The following ALDH2 variants were observed in gnomAD, a reference collection of about 807,000 sequenced individuals.
ALDH2 encodes the protein aldehyde dehydrogenase, mitochondrial.
A neutral mutation model predicts 59.6 loss-of-function variants in ALDH2; 44 were observed. That is an observed-to-expected ratio of 0.74 (90% CI 0.58 to 0.95). The LOEUF is 0.95. Among genes scored for constraint, ALDH2 ranks in the 40% least tolerant of loss-of-function variants. ALDH2 has a pLI of 0.00. For synonymous variants in ALDH2, 291 were observed against 284.0 expected, an observed-to-expected ratio of 1.02 and a Z score of -0.25; for missense variants, 570 against 696.3, an observed-to-expected ratio of 0.82 and a Z score of 2.04.
At chr12:111,788,231 G>A (rs74912896) in intron 4 of ALDH2, among the ~76,000 whole-genome samples, 1 of 151,678 alleles carries the variant, frequency 6.6e-6, no homozygotes, top group East Asian at 1.9e-4. Flanking sequence ...AAAAAAAAAA[G>A]AAAACAGTCG....
At chr12:111,776,578 T>C (rs1215316406) in intron 1 of ALDH2, among the ~76,000 whole-genome samples, 1 of 151,906 alleles carries the variant, frequency 6.6e-6, no homozygotes, top group Non-Finnish European at 1.5e-5. Flanking sequence ...CTGGCCAACA[T>C]GGTGAAAGCC....
chr12:111,783,994 A>T (rs2068292723), intron 3 of ALDH2, among the ~76,000 whole-genome samples: 1 of 152,146 alleles, frequency 6.6e-6, no homozygotes, highest in African/African-American at 2.4e-5. Context: ...CCCAGCCACA[A>T]TTGATTCTGC....
intron 3 of ALDH2, among the ~76,000 whole-genome samples, chr12:111,785,016 G>T (rs1397808645): frequency 6.6e-6 from 1 of 152,210 alleles, no homozygotes; most frequent in Non-Finnish European, 1.5e-5. Context: ...GAAGCTAAAA[G>T]AGTGTGTTTA....
intron 2 of ALDH2, 21 bp from the exon 3 acceptor site, chr12:111,783,137 G>A: frequency 6.2e-7 from 1 of 1,600,090 alleles, no homozygotes; most frequent in Non-Finnish European, 8.5e-7. Flanking sequence ...AGGAAGGCTT[G>A]AGTTTTCCTG....
At chr12:111,788,093 C>T (rs1415919024) in intron 4 of ALDH2, among the ~76,000 whole-genome samples, 2 of 151,768 alleles carry the variant, frequency 1.3e-5, no homozygotes, top group Non-Finnish European at 2.9e-5. Flanking sequence ...TCTTGGCAGG[C>T]ATGCTACTTG....
chr12:111,790,910 T>C (rs440), intron 6 of ALDH2, among the ~76,000 whole-genome samples: 26,743 of 151,950 alleles, frequency 0.18, 2,432 homozygotes, highest in Middle Eastern at 0.27. Flanking sequence ...AAAAATCAGC[T>C]GGGTGGCATG....
chr12:111,777,902 C>T (rs1048165217), intron 1 of ALDH2, among the ~76,000 whole-genome samples: 3 of 152,194 alleles, frequency 2.0e-5, no homozygotes, highest in East Asian at 1.9e-4. Context: ...CACACAAGCA[C>T]GCCTCCAGAA....
chr12:111,769,139 G>C (rs956163770), intron 1 of ALDH2, among the ~76,000 whole-genome samples: 2 of 152,204 alleles, frequency 1.3e-5, no homozygotes, highest in African/African-American at 4.8e-5. Flanking sequence ...GATTTACTCT[G>C]TGGGTGTAGG....
intron 9 of ALDH2, among the ~76,000 whole-genome samples, chr12:111,793,719 G>A (rs1319929444): frequency 1.3e-5 from 2 of 151,678 alleles, no homozygotes; most frequent in East Asian, 3.9e-4. Context: ...CTGAGTAGCT[G>A]GGACTACAGG....
At position 111,769,537 on chromosome 12, in the gene ALDH2, CAA is replaced by C. The variant is rs995109262; in HGVS notation, c.114+2442_114+2443del. Among the ~76,000 whole-genome samples the C allele has an allele frequency of 1.5e-4, 23 of 150,598 alleles. 1 individual carries two copies. The highest frequency in any genetic ancestry group is 1.5e-3 in the South Asian group (7 of 4,756). ...TGTTTGCATTTACAAGTGCCTGCAG[CAA>C]GAGAGAGAGAGAGAGAATGCAAGCA... On this transcript the variant is annotated intron_variant, in intron 1 of 12. Transcript: ENST00000261733.
intron 12 of ALDH2, among the ~76,000 whole-genome samples, chr12:111,805,853 T>G (rs183529440): frequency 1.3e-5 from 2 of 151,492 alleles, no homozygotes; most frequent in Admixed American, 1.3e-4. Flanking sequence ...TGAAACCCTG[T>G]CTCTACTAAA....
Position 111,810,747 on chromosome 12 carries a change from A to AT in ALDH2, c.*1178dup, listed in dbSNP as rs1198142846. The AT allele has an allele frequency of 6.6e-6, 1 of 150,750 alleles. No homozygotes were observed. The highest frequency in any genetic ancestry group is 2.4e-5 in the African/African-American group (1 of 40,836). 9.3% of individuals were successfully genotyped at this position (150,750 alleles called of 1,614,324 possible). Reference sequence around the variant, plus strand: ...TTCAGCTTCCTGGGCTAATGTTTGTATTTTTTGTGGAGATGGGACTTTGTT... The same window carrying AT: ...TTCAGCTTCCTGGGCTAATGTTTGTATTTTTTTGTGGAGATGGGACTTTGTT... On this transcript the variant is annotated 3_prime_UTR_variant, in exon 13 of 13. Coordinates refer to ENST00000261733, the MANE Select transcript of ALDH2 (RefSeq NM_000690.4).
intron 7 of ALDH2, 70 bp downstream of exon 7, chr12:111,791,489 T>A (rs553384830): frequency 8.5e-4 from 1,020 of 1,201,062 alleles, no homozygotes; most frequent in Non-Finnish European, 1.2e-3. Context: ...GTGGACGACA[T>A]GCTCAAGGTG....
At chr12:111,783,115 C>A in intron 2 of ALDH2, 43 bp from the exon 3 acceptor site, 1 of 1,589,782 alleles carries the variant, frequency 6.3e-7, no homozygotes, top group Non-Finnish European at 8.6e-7. Context: ...ACTGAGAAGA[C>A]CTGAGTTTTC....
intron 4 of ALDH2, among the ~76,000 whole-genome samples, chr12:111,787,203 C>T (rs1398368067): frequency 2.0e-5 from 3 of 151,416 alleles, no homozygotes; most frequent in Non-Finnish European, 4.4e-5. Context: ...GAGGCTCCAT[C>T]TCAACAAAAA....
At position 111,813,930 on chromosome 12, in the gene ALDH2, A is replaced by C. The variant is rs577675966; in HGVS notation, c.*4355A>C. 2 of 152,352 alleles carry C rather than the reference A, an allele frequency of 1.3e-5. No homozygotes were observed. The highest frequency in any genetic ancestry group is 4.1e-4 in the South Asian group (2 of 4,828). The allele number at this position is 152,352 out of a possible 1,614,324, so 9.4% of individuals were successfully genotyped here. A position where few individuals can be genotyped will look rare whatever the true frequency, so the allele number is the denominator to read the frequency against. The stretch of plus-strand genomic sequence containing the variant: ...TTTACTAAATGCAACCAAATTGCTC[A>C]CTTAAAAACAACAAATTCAGGCCAG... On this transcript the variant is annotated 3_prime_UTR_variant, in exon 13 of 13. Coordinates refer to ENST00000261733, the MANE Select transcript of ALDH2 (RefSeq NM_000690.4).
At chr12:111,791,509 G>A (rs1566189258) in intron 7 of ALDH2, 90 bp downstream of exon 7, 22 of 1,008,496 alleles carry the variant, frequency 2.2e-5, no homozygotes, top group Non-Finnish European at 3.2e-5. Flanking sequence ...GAGCTCCCGG[G>A]TGTCAAGCGG....
At chr12:111,790,681 C>T in intron 6 of ALDH2, 119 bp downstream of exon 6, 1 of 1,364,578 alleles carries the variant, frequency 7.3e-7, no homozygotes, top group Non-Finnish European at 1.0e-6. Flanking sequence ...GAGCCCCCAT[C>T]ACCATGTGAA....
rs1647005155 is a variant in ALDH2, at chr12:111,812,347, T to C, written c.*2772T>C. On this transcript the variant is annotated 3_prime_UTR_variant, in exon 13 of 13. Transcript: ENST00000261733. ...ACTCTTGTTGTTTTATATATTTTAT[T>C]ATACTGGAACAGCTCGTGCCCTCGG... 1 of 152,144 alleles carries C rather than the reference T, an allele frequency of 6.6e-6. No homozygotes were observed. The highest frequency in any genetic ancestry group is 6.6e-5 in the Admixed American group (1 of 15,264). 9.4% of individuals were successfully genotyped at this position (152,144 alleles called of 1,614,324 possible). A position where few individuals can be genotyped will look rare whatever the true frequency, so the allele number is the denominator to read the frequency against.
Sources: allele counts gnomAD v4.1 joint callset (sites outside exome capture counted in the v4.1 genomes callset), GRCh38; gene constraint gnomAD v4.1.1; transcripts MANE v1.5; gene names NCBI Gene and HGNC (gene_info 2026-07-23, HGNC 2026-07-21).